EXOC6B: variants seen among roughly 807,000 people sequenced by gnomAD.
EXOC6B encodes the protein exocyst complex component 6B.
In EXOC6B, 54 loss-of-function variants were observed where a neutral mutation model predicts 113.5. The observed-to-expected ratio is 0.48, with a 90% confidence interval of 0.38 to 0.60. The LOEUF is 0.60. Among genes scored for constraint, EXOC6B ranks in the 20% least tolerant of loss-of-function variants. EXOC6B has a pLI of 0.00. For synonymous variants in EXOC6B, 357 were observed against 339.0 expected (o/e 1.05, Z -0.58); for missense variants, 797 against 977.5 (o/e 0.82, Z 2.46).
At chr2:72,760,038 C>G (rs1682649264) in intron 1 of EXOC6B, among the ~76,000 whole-genome samples, 1 of 152,104 alleles carries the variant, frequency 6.6e-6, no homozygotes, top group African/African-American at 2.4e-5. Context: ...CCAGTGAAAA[C>G]CAAGTGAGAT....
At chr2:72,714,089 G>A (rs769428922) in intron 6 of EXOC6B, among the ~76,000 whole-genome samples, 51 of 152,188 alleles carry the variant, frequency 3.4e-4, no homozygotes, top group Admixed American at 1.0e-3. Flanking sequence ...TCTCTTGAGA[G>A]TCACCCACCA....
intron 6 of EXOC6B, among the ~76,000 whole-genome samples, chr2:72,602,641 A>C (rs538868124): frequency 6.6e-6 from 1 of 152,238 alleles, no homozygotes; most frequent in Admixed American, 6.5e-5. Flanking sequence ...ATGTCAAAAT[A>C]TGCTTTTGAT....
intron 20 of EXOC6B, among the ~76,000 whole-genome samples, chr2:72,295,086 C>A (rs1385887809): frequency 6.6e-6 from 1 of 151,848 alleles, no homozygotes; most frequent in Admixed American, 6.6e-5. Flanking sequence ...TAAAAATTAG[C>A]CGGGCATAGT....
At chr2:72,742,944 A>G (rs890318629) in intron 1 of EXOC6B, among the ~76,000 whole-genome samples, 3 of 152,176 alleles carry the variant, frequency 2.0e-5, no homozygotes, top group African/African-American at 7.2e-5. Flanking sequence ...CGTAGAAAAA[A>G]AAGTATTTAT....
chr2:72,615,699 T>C (rs1382104992), intron 6 of EXOC6B, among the ~76,000 whole-genome samples: 1 of 152,132 alleles, frequency 6.6e-6, no homozygotes, highest in African/African-American at 2.4e-5. Flanking sequence ...CATTACTGGT[T>C]AATGGATGTA....
At chr2:72,395,097 G>A (rs1262153099) in intron 18 of EXOC6B, among the ~76,000 whole-genome samples, 1 of 152,120 alleles carries the variant, frequency 6.6e-6, no homozygotes, top group Non-Finnish European at 1.5e-5. Flanking sequence ...AAGAAACTTT[G>A]TCTTTCAAAC....
intron 21 of EXOC6B, among the ~76,000 whole-genome samples, chr2:72,182,508 G>A (rs1204552553): frequency 1.3e-5 from 2 of 152,122 alleles, no homozygotes; most frequent in African/African-American, 4.8e-5. Context: ...AAGAGATGCA[G>A]GTTCTAGATT....
chr2:72,382,601 T>C (rs1013084701), intron 18 of EXOC6B, among the ~76,000 whole-genome samples: 5 of 152,188 alleles, frequency 3.3e-5, no homozygotes, highest in Admixed American at 2.6e-4. Flanking sequence ...GCATTGAATC[T>C]GTAAATTGCT....
At chr2:72,692,776 G>A (rs1677591255) in intron 6 of EXOC6B, among the ~76,000 whole-genome samples, 1 of 152,148 alleles carries the variant, frequency 6.6e-6, no homozygotes, top group African/African-American at 2.4e-5. Flanking sequence ...GGATTTAGTG[G>A]CTGACTACAA....
chr2:72,809,283 T>G (rs184929193), intron 1 of EXOC6B, among the ~76,000 whole-genome samples: 62 of 152,050 alleles, frequency 4.1e-4, no homozygotes, highest in Non-Finnish European at 8.5e-4. Context: ...AAGATAGAGA[T>G]CAACAAAGTG....
At chr2:72,303,454 AT>A (rs930412065) in intron 20 of EXOC6B, among the ~76,000 whole-genome samples, 2 of 150,728 alleles carry the variant, frequency 1.3e-5, no homozygotes, top group Admixed American at 6.6e-5. Flanking sequence ...TTTTCTCTTT[AT>A]TTTTTTCCTG....
chr2:72,607,131 G>A (rs1670804325), intron 6 of EXOC6B, among the ~76,000 whole-genome samples: 1 of 152,084 alleles, frequency 6.6e-6, no homozygotes, highest in Admixed American at 6.6e-5. Context: ...AAAAGAAAAG[G>A]AAAACAAAGA....
intron 8 of EXOC6B, among the ~76,000 whole-genome samples, chr2:72,537,806 T>A (rs912145508): frequency 2.6e-5 from 4 of 152,180 alleles, no homozygotes; most frequent in Non-Finnish European, 4.4e-5. Context: ...ACCAAGGTTT[T>A]AAATTTATTC....
chr2:72,333,764 G>C (rs1277387412), intron 20 of EXOC6B, among the ~76,000 whole-genome samples: 1 of 152,010 alleles, frequency 6.6e-6, no homozygotes, highest in African/African-American at 2.4e-5. Flanking sequence ...AACTTTGGCA[G>C]GTCTATAGAC....
chr2:72,242,489 T>C (rs1373217717), intron 20 of EXOC6B, among the ~76,000 whole-genome samples: 1 of 151,854 alleles, frequency 6.6e-6, no homozygotes, highest in East Asian at 1.9e-4. Context: ...CCATATGATA[T>C]GCTAAGAGAA....
At chr2:72,807,750 G>C (rs557236058) in intron 1 of EXOC6B, among the ~76,000 whole-genome samples, 1 of 152,014 alleles carries the variant, frequency 6.6e-6, no homozygotes, top group East Asian at 1.9e-4. Context: ...CAAAACGATT[G>C]AACTAATGCA....
intron 20 of EXOC6B, among the ~76,000 whole-genome samples, chr2:72,311,484 T>C (rs1687182631): frequency 6.6e-6 from 1 of 152,082 alleles, no homozygotes; most frequent in Non-Finnish European, 1.5e-5. Flanking sequence ...TTCAACTCTT[T>C]CCCCCTTCTT....
At chr2:72,401,582 CATATATATATATATATATATGTGT>C (rs1693250011) in intron 18 of EXOC6B, among the ~76,000 whole-genome samples, 17 of 18,434 alleles carry the variant, frequency 9.2e-4, no homozygotes, top group African/African-American at 3.7e-3. Context: ...TATATATATA[CATATATATATATATATATATGTGT>C]ATATATATAT....
intron 6 of EXOC6B, among the ~76,000 whole-genome samples, chr2:72,688,529 T>A (rs1558919608): frequency 6.9e-6 from 1 of 145,874 alleles, no homozygotes. Flanking sequence ...TGAGGACTAC[T>A]GGGGCAGGGG....
Sources: gnomAD v4.1 joint callset for allele counts (sites outside exome capture counted in the v4.1 genomes callset) on GRCh38, gnomAD v4.1.1 for gene constraint, MANE v1.5 for transcripts, NCBI Gene and HGNC (gene_info 2026-07-23, HGNC 2026-07-21) for gene names.